MAN2B2: variants seen among roughly 807,000 people sequenced by gnomAD.
MAN2B2 encodes the protein epididymis-specific alpha-mannosidase.
Under a neutral mutation model 117.1 loss-of-function variants are expected in MAN2B2, and 106 were observed. The observed-to-expected ratio is 0.90, with a 90% CI of 0.77 to 1.06. The LOEUF (loss-of-function observed/expected upper bound fraction) is 1.06, where lower values mean the gene tolerates loss of function less well. Among genes scored for constraint, MAN2B2 ranks in the 50% least tolerant of loss-of-function variants. The probability of loss-of-function intolerance (pLI) is 0.00; values close to 1 mark genes in which losing one functional copy is unlikely to be tolerated. For missense variants in MAN2B2, 1,326 were observed against 1,381.4 expected (o/e 0.96, Z 0.64); for synonymous variants, 544 against 595.1 (o/e 0.91, Z 1.25).
In MAN2B2 at chr4:6,607,126, A is replaced by G. The variant is rs115713917; in HGVS notation, c.1814+1797A>G. On this transcript the variant is annotated intron_variant, in intron 11 of 18. Coordinates refer to ENST00000285599, the MANE Select transcript of MAN2B2 (RefSeq NM_015274.3). ...TGGCAATCCTAGACTATTTCTGTCT[A>G]TATGGATTTACCTGTTCATACAATA... Among the ~76,000 whole-genome samples the G allele has an allele frequency of 2.2e-3, 335 of 152,316 alleles. 4 individuals carry two copies. Among genetic ancestry groups the G allele is most frequent in the African/African-American group, 7.7e-3 (320 of 41,584 alleles).
In MAN2B2 at chr4:6,606,660, T is replaced by C. The variant is rs113928753; in HGVS notation, c.1814+1331T>C. On this transcript the variant is annotated intron_variant, in intron 11 of 18. Transcript: ENST00000285599. ...TCCAGTGAGGACAAAGGAGTTCTTA[T>C]TGGGCTCCCAAAACCCCACCAGGGG... is the stretch of plus-strand genomic sequence containing the variant. 4.4e-3 allele frequency among the ~76,000 whole-genome samples: 677 copies of C among 152,330 alleles called. 5 individuals are homozygous for C. The highest frequency in any genetic ancestry group is 0.015 in the African/African-American group (623 of 41,580).
Position 6,594,559 on chromosome 4 carries a change from C to A in MAN2B2, c.884C>A (p.Ala295Asp), listed in dbSNP as rs772337837. ...GGATGTGACAAGCAGTTCTTCAATG[C>A]CTCGGTGCAGTTTGCCAACATGGAC... ...PWGCDKQFFN[A>D]SVQFANMDPL... The change falls in exon 7 of 19, where the codon GCC (alanine) becomes GAC (aspartate). Residue 295 changes from alanine (A) to aspartate (D), a missense_variant. Coordinates refer to ENST00000285599, the MANE Select transcript of MAN2B2 (RefSeq NM_015274.3). The A allele has an allele frequency of 1.4e-5, 22 of 1,613,426 alleles. No individual in the cohort carries two copies. The highest frequency in any genetic ancestry group is 1.9e-5 in the Non-Finnish European group (22 of 1,180,044).
At chr4:6,612,742 A>C (rs1311713085) in intron 15 of MAN2B2, among the ~76,000 whole-genome samples, 1 of 152,228 alleles carries the variant, frequency 6.6e-6, no homozygotes, top group Non-Finnish European at 1.5e-5. Flanking sequence ...ATGTCTGAGA[A>C]AGCCCCATGG....
At chr4:6,604,697 T>A (rs1175616728) in intron 10 of MAN2B2, among the ~76,000 whole-genome samples, 2 of 151,964 alleles carry the variant, frequency 1.3e-5, no homozygotes, top group East Asian at 3.9e-4. Flanking sequence ...TATTCGTGGA[T>A]CTCGGGTTCC....
At chr4:6,618,488 G>A (rs1577298917) in intron 17 of MAN2B2, 2 of 152,246 alleles carry the variant, frequency 1.3e-5, no homozygotes, top group South Asian at 4.1e-4. Context: ...AATGGGGAGA[G>A]GTGAGAGTTC....
intron 2 of MAN2B2, among the ~76,000 whole-genome samples, chr4:6,577,126 G>A (rs1037322073): frequency 3.3e-5 from 5 of 152,112 alleles, no homozygotes; most frequent in East Asian, 1.9e-4. Flanking sequence ...ATGAGGGTGC[G>A]ATAGTCCCTG....
rs1301451594 is a variant in MAN2B2 at position 6,611,213 on chromosome 4, C to A, written c.2498C>A (p.Ala833Asp). 4 of 1,613,844 alleles carry A rather than the reference C, an allele frequency of 2.5e-6. No homozygotes were observed. Among genetic ancestry groups the A allele is most frequent in the Non-Finnish European group, 3.4e-6 (4 of 1,180,010 alleles). Residue 833 changes from alanine to aspartate, a missense_variant, in exon 15 of 19, where the codon GCC (alanine) becomes GAC (aspartate). Coordinates refer to ENST00000285599, the MANE Select transcript of MAN2B2 (RefSeq NM_015274.3). ...CTGGGATCCTGGTCCCTCACCACTG[C>A]CCTGCGCCAGAGGAGCGCACTGGCG... ...LLLGSWSLTTALRQRSALALQ... is the reference protein window; with the variant it reads ...LLLGSWSLTTDLRQRSALALQ...
In MAN2B2 at chr4:6,611,218, C is replaced by G; in HGVS notation, c.2503C>G (p.Arg835Gly). The G allele has an allele frequency of 6.2e-7, 1 of 1,613,752 alleles. No individual in the cohort carries two copies. Among genetic ancestry groups the G allele is most frequent in the Non-Finnish European group, 8.5e-7 (1 of 1,179,994 alleles). ...LGSWSLTTAL[R>G]QRSALALQHR... The stretch of plus-strand genomic sequence containing the variant: ...ATCCTGGTCCCTCACCACTGCCCTG[C>G]GCCAGAGGAGCGCACTGGCGCTGCA... Residue 835 changes from arginine to glycine, a missense_variant, in exon 15 of 19, where the codon CGC becomes GGC. Coordinates refer to ENST00000285599, the MANE Select transcript of MAN2B2 (RefSeq NM_015274.3).
intron 4 of MAN2B2, among the ~76,000 whole-genome samples, chr4:6,588,571 C>T (rs891122024): frequency 2.0e-5 from 3 of 152,136 alleles, no homozygotes; most frequent in Admixed American, 6.5e-5. Flanking sequence ...AAAAATTAGC[C>T]GGGCGTGGTA....
rs1393468264 is a variant in MAN2B2 at position 6,587,063 on chromosome 4, T to C, written c.459T>C (p.Phe153=). ...AGTTCTCCTGGCACGTTGACCCGTT[T>C]GGCGCCTCTGCCACGACGCCCACCC... The part of the protein sequence containing the change: ...RPQFSWHVDP[F]GASATTPTLF... The change falls in exon 4 of 19, where the codon TTT becomes TTC. Residue 153 remains phenylalanine, a synonymous_variant. Transcript: ENST00000285599. The C allele has an allele frequency of 6.2e-7, 1 of 1,614,082 alleles. No individual in the cohort carries two copies. Among genetic ancestry groups the C allele is most frequent in the South Asian group, 1.1e-5 (1 of 91,086 alleles).
chr4:6,587,403 C>T (rs908213739), intron 4 of MAN2B2, among the ~76,000 whole-genome samples: 3 of 152,198 alleles, frequency 2.0e-5, no homozygotes, highest in African/African-American at 4.8e-5. Context: ...GGCTGCCTCC[C>T]GCTTCCAGAC....
chr4:6,603,323 C>T (rs141526548), intron 10 of MAN2B2, among the ~76,000 whole-genome samples: 54 of 152,264 alleles, frequency 3.5e-4, no homozygotes, highest in African/African-American at 1.1e-3. Context: ...AGCTCCCGAA[C>T]GCCCATCCTG....
intron 1 of MAN2B2, 26 bp from the exon 2 acceptor site, chr4:6,576,551 GC>G: frequency 6.2e-7 from 1 of 1,602,056 alleles, no homozygotes; most frequent in African/African-American, 1.3e-5. Context: ...TTGGACCGGG[GC>G]TGGCATGATG....
chr4:6,605,177 G>C lies in MAN2B2; in HGVS notation c.1662G>C (p.Glu554Asp). Reference sequence around the variant, plus strand: ...CAGGGGCCCAAGAGGGCACCCAGGAGCCGGCTGCCACTGTGGCGAGCACCC... The same window carrying C: ...CAGGGGCCCAAGAGGGCACCCAGGACCCGGCTGCCACTGTGGCGAGCACCC... ...PTAGAQEGTQ[E>D]PAATVASTLQ... Residue 554 changes from glutamate (E) to aspartate (D), a missense_variant, in exon 11 of 19, where the codon GAG becomes GAC. By Grantham distance (45) the Glu-to-Asp change is conservative. Transcript: ENST00000285599. 6.2e-7 allele frequency: 1 copy of C among 1,614,146 alleles called. No homozygotes were observed. The highest frequency in any genetic ancestry group is 8.5e-7 in the Non-Finnish European group (1 of 1,180,000).
chr4:6,614,420 C>A, intron 16 of MAN2B2, 65 bp downstream of exon 16: 1 of 1,575,534 alleles, frequency 6.3e-7, no homozygotes, highest in Non-Finnish European at 8.7e-7. Context: ...GGCCACCGGG[C>A]CCACCACCAG....
chr4:6,597,959 C>G (rs1727168265), intron 8 of MAN2B2, among the ~76,000 whole-genome samples: 1 of 152,218 alleles, frequency 6.6e-6, no homozygotes, highest in African/African-American at 2.4e-5. Context: ...CAGGGTCCTT[C>G]AGAGCAGGGG....
intron 11 of MAN2B2, among the ~76,000 whole-genome samples, chr4:6,607,919 G>A (rs1727613848): frequency 6.6e-6 from 1 of 152,126 alleles, no homozygotes; most frequent in South Asian, 2.1e-4. Context: ...TTCAATTATA[G>A]CCATTCTCGT....
rs1712164247 is a variant in MAN2B2 at position 6,621,340 on chromosome 4, A to T, written c.*55A>T. On this transcript the variant is annotated 3_prime_UTR_variant, in exon 19 of 19. Transcript: ENST00000285599. ...TTCCCCCAGGAACTCCATGTAACAG[A>T]ACAGACCCAGGACAGGGAAAAGCAG... 8.8e-6 allele frequency: 13 copies of T among 1,471,832 alleles called. No homozygotes were observed. Among genetic ancestry groups the T allele is most frequent in the Non-Finnish European group, 1.1e-5 (12 of 1,058,118 alleles). 91.2% of individuals were successfully genotyped at this position (1,471,832 alleles called of 1,614,324 possible). A position where few individuals can be genotyped will look rare whatever the true frequency, so the allele number is the denominator to read the frequency against.
At chr4:6,605,869 A>T (rs1006312283) in intron 11 of MAN2B2, among the ~76,000 whole-genome samples, 1 of 151,674 alleles carries the variant, frequency 6.6e-6, no homozygotes, top group Non-Finnish European at 1.5e-5. Flanking sequence ...CCACCCACCT[A>T]TGTACCTACC....
Sources: gnomAD v4.1 joint callset for allele counts (sites outside exome capture counted in the v4.1 genomes callset) on GRCh38, gnomAD v4.1.1 for gene constraint, MANE v1.5 for transcripts, NCBI Gene and HGNC (gene_info 2026-07-23, HGNC 2026-07-21) for gene names.